Variants in CYP20A1 observed in about 807,000 individuals in gnomAD.
CYP20A1 encodes the protein cytochrome P450 20A1.
In CYP20A1, 61 loss-of-function variants were observed where a neutral mutation model predicts 61.4. The ratio of observed to expected loss-of-function variants is 0.99; its 90% confidence interval spans 0.81 to 1.23. The LOEUF is 1.23. Ranked by LOEUF, CYP20A1 falls within the 50% of genes most tolerant of loss-of-function variation. The pLI, the probability that CYP20A1 is intolerant of heterozygous loss-of-function variation, is 0.00. For missense variants in CYP20A1, 530 were observed against 542.4 expected (o/e 0.98, Z 0.23); for synonymous variants, 193 against 188.2 (o/e 1.03, Z -0.21).
chr2:203,285,174 C>T, intron 8 of CYP20A1, among the ~76,000 whole-genome samples: 1 of 152,122 alleles, frequency 6.6e-6, no homozygotes, highest in Non-Finnish European at 1.5e-5. Flanking sequence ...ATCGATAAAT[C>T]TGCTAGCTTG....
chr2:203,287,245 G>GA (rs2068318400), intron 9 of CYP20A1, among the ~76,000 whole-genome samples: 2 of 116,090 alleles, frequency 1.7e-5, no homozygotes, highest in Non-Finnish European at 3.8e-5. Flanking sequence ...AAAAAGAAAA[G>GA]ATAACCACTG....
chr2:203,245,976 C>G, intron 2 of CYP20A1, 81 bp downstream of exon 2: 1 of 983,438 alleles, frequency 1.0e-6, no homozygotes, highest in Non-Finnish European at 1.5e-6. Context: ...TTTAGCCAAT[C>G]ATGGTAGCTG....
intron 5 of CYP20A1, among the ~76,000 whole-genome samples, chr2:203,268,606 GTTTGT>G (rs1303482546): frequency 6.8e-6 from 1 of 146,400 alleles, no homozygotes; most frequent in African/African-American, 2.5e-5. Flanking sequence ...TTTTTTTTTT[GTTTGT>G]TTTGTTTTGT....
rs1399847935 is a variant in CYP20A1, at chr2:203,239,027, G to A, written c.-36G>A. 3.8e-6 allele frequency: 6 copies of A among 1,598,244 alleles called. No homozygotes were observed. The highest frequency in any genetic ancestry group is 5.1e-6 in the Non-Finnish European group (6 of 1,166,488). ...AGGCTGAGGCGCTGCTGCTGGAGCGGCCGATCCGAGACGTGGCTCCCTGGG... is the reference window on the plus strand; with the variant it reads ...AGGCTGAGGCGCTGCTGCTGGAGCGACCGATCCGAGACGTGGCTCCCTGGG... On this transcript the variant is annotated 5_prime_UTR_variant, in exon 1 of 13. Transcript: ENST00000356079.
rs192308734 is a variant in CYP20A1, at chr2:203,278,224, A to G, written c.680-349A>G. On this transcript the variant is annotated intron_variant, in intron 6 of 12. Transcript: ENST00000356079. ...GGGAAGTCAAGGCTGCAGTAAGCCA[A>G]GATCACACCACTACACTGCAGCCTG... is the stretch of plus-strand genomic sequence containing the variant. Among the ~76,000 whole-genome samples, 340 of 152,246 alleles carry G rather than the reference A, an allele frequency of 2.2e-3. 2 individuals are homozygous for G. Among genetic ancestry groups the G allele is most frequent in the South Asian group, 0.01 (49 of 4,828 alleles).
intron 3 of CYP20A1, among the ~76,000 whole-genome samples, chr2:203,248,516 A>G (rs1172139767): frequency 6.6e-6 from 1 of 152,076 alleles, no homozygotes; most frequent in African/African-American, 2.4e-5. Flanking sequence ...CCTGGGTGAC[A>G]GAGGGAGACT....
rs139760908 is a variant in CYP20A1 at position 203,304,208 on chromosome 2, TAGGTCTCAGCCAGACTCTGG to T, written c.*7312_*7331del. ...GCCTAGGTGACAGAGTGAGACTCCATAGGTCTCAGCCAGACTCTGGAGGTCTCAGCCCAGGCTTGAGTGCA... is the reference window on the plus strand; with the variant it reads ...GCCTAGGTGACAGAGTGAGACTCCATAGGTCTCAGCCCAGGCTTGAGTGCA... On this transcript the variant is annotated 3_prime_UTR_variant, in exon 13 of 13. Transcript: ENST00000356079. Among the ~76,000 whole-genome samples the T allele has an allele frequency of 0.018, 2,676 of 151,760 alleles. 76 individuals carry two copies. The highest frequency in any genetic ancestry group is 0.092 in the East Asian group (467 of 5,070).
At chr2:203,273,277 G>A (rs1258863742) in intron 6 of CYP20A1, among the ~76,000 whole-genome samples, 2 of 152,068 alleles carry the variant, frequency 1.3e-5, no homozygotes, top group African/African-American at 4.8e-5. Context: ...TTGTAGAGCT[G>A]GTATACTCTA....
chr2:203,252,246 C>T (rs1205907792), intron 4 of CYP20A1, 137 bp downstream of exon 4: 7 of 657,612 alleles, frequency 1.1e-5, no homozygotes, highest in Admixed American at 3.9e-5. Context: ...AAATTAAAAA[C>T]GACAACAATA....
rs200809033 is a variant in CYP20A1 at position 203,285,656 on chromosome 2, C to A, written c.895C>A (p.Gln299Lys). The A allele has an allele frequency of 3.6e-5, 58 of 1,599,452 alleles. No homozygotes were observed. In the South Asian group the frequency reaches 4.8e-4, roughly 13 times the overall value. Residue 299 changes from glutamine (Q) to lysine (K), a missense_variant, in exon 9 of 13, where the codon CAA becomes AAA. Coordinates refer to ENST00000356079, the MANE Select transcript of CYP20A1 (RefSeq NM_177538.3). The stretch of plus-strand genomic sequence containing the variant: ...TTTTTTAACCACCTCTGAAGAAGTT[C>A]AAAAAAAATTATATGAAGAGATAAA... ...ICFLTTSEEV[Q>K]KKLYEEINQV...
intron 9 of CYP20A1, among the ~76,000 whole-genome samples, chr2:203,288,771 G>A (rs2068409021): frequency 6.6e-6 from 1 of 152,192 alleles, no homozygotes; most frequent in African/African-American, 2.4e-5. Context: ...AAGGATGTAT[G>A]CAGTAGGACA....
intron 1 of CYP20A1, among the ~76,000 whole-genome samples, chr2:203,242,025 A>C (rs2105887909): frequency 6.6e-6 from 1 of 152,240 alleles, no homozygotes. Context: ...TATTTTTAGT[A>C]GAGACAAGAT....
At chr2:203,293,149 G>A (rs2068613105) in intron 11 of CYP20A1, among the ~76,000 whole-genome samples, 1 of 151,412 alleles carries the variant, frequency 6.6e-6, no homozygotes, top group Non-Finnish European at 1.5e-5. Flanking sequence ...ACTCCAGCCT[G>A]GGCAACAAGA....
chr2:203,277,550 C>G (rs1412817121), intron 6 of CYP20A1, among the ~76,000 whole-genome samples: 3 of 151,310 alleles, frequency 2.0e-5, no homozygotes, highest in Non-Finnish European at 4.4e-5. Context: ...TTTATTTATT[C>G]TCTCGCCCAG....
At chr2:203,288,136 G>A (rs1276080220) in intron 9 of CYP20A1, among the ~76,000 whole-genome samples, 1 of 129,798 alleles carries the variant, frequency 7.7e-6, no homozygotes, top group African/African-American at 2.9e-5. Context: ...CGCAATCTCA[G>A]CTCACTGCAC....
At chr2:203,239,175 CCA>C (rs1378971984) in intron 1 of CYP20A1, 41 bp downstream of exon 1, 7 of 1,550,396 alleles carry the variant, frequency 4.5e-6, no homozygotes, top group Non-Finnish European at 6.2e-6. Context: ...GGGCGCCGCC[CCA>C]GTCTCTCTGT....
intron 8 of CYP20A1, among the ~76,000 whole-genome samples, chr2:203,282,544 A>G (rs2068088132): frequency 1.3e-5 from 2 of 152,188 alleles, no homozygotes; most frequent in Admixed American, 6.5e-5. Flanking sequence ...TGTCTTTGCT[A>G]AAGACCTTTA....
chr2:203,286,430 G>GCAGTATTATTCAAAATAGCCC (rs71408923), intron 9 of CYP20A1, among the ~76,000 whole-genome samples: 136,069 of 152,126 alleles, frequency 0.89, 61,690 homozygotes, highest in Non-Finnish European at 0.96. Flanking sequence ...TATATTCATA[G>GCAGTATTATTCAAAATAGCCC]CAAATTGGAA....
chr2:203,266,228 T>C (rs2067317866), intron 4 of CYP20A1, among the ~76,000 whole-genome samples: 1 of 152,156 alleles, frequency 6.6e-6, no homozygotes. Flanking sequence ...TTCCGTTGGG[T>C]TTAAGTTTTT....
Sources: gnomAD v4.1 joint callset for allele counts (sites outside exome capture counted in the v4.1 genomes callset) on GRCh38, gnomAD v4.1.1 for gene constraint, MANE v1.5 for transcripts, NCBI Gene and HGNC (gene_info 2026-07-23, HGNC 2026-07-21) for gene names.